XKR9: variants seen among roughly 807,000 people sequenced by gnomAD.
The protein encoded by XKR9 is XK-related protein 9.
In XKR9, 32 loss-of-function variants were observed where a neutral mutation model predicts 32.0. The ratio of observed to expected loss-of-function variants is 1.00; its 90% CI spans 0.76 to 1.34. XKR9 has a LOEUF of 1.34. Among genes scored for constraint, XKR9 ranks in the 40% most tolerant of loss-of-function variants. The pLI, the probability that XKR9 is intolerant of heterozygous loss-of-function variation, is 0.00. For missense variants in XKR9, 546 were observed against 429.7 expected (o/e 1.27, Z -2.39); for synonymous variants, 168 against 143.4 (o/e 1.17, Z -1.22).
chr8:70,879,544 A>G, the XKR9 span, among the ~76,000 whole-genome samples: 1 of 152,206 alleles, frequency 6.6e-6, no homozygotes, highest in Non-Finnish European at 1.5e-5. Flanking sequence ...ATGCAAATAA[A>G]CTAGAAAATC....
the XKR9 span, among the ~76,000 whole-genome samples, chr8:70,906,852 T>C: frequency 6.6e-6 from 1 of 152,152 alleles, no homozygotes; most frequent in Non-Finnish European, 1.5e-5. Context: ...GATTTATCTG[T>C]ATATAATATT....
At chr8:70,887,298 C>A in the XKR9 span, among the ~76,000 whole-genome samples, 1 of 152,096 alleles carries the variant, frequency 6.6e-6, no homozygotes, top group African/African-American at 2.4e-5. Context: ...GTTTTGGTAC[C>A]AGTACTGTGC....
At chr8:70,741,503 T>C (rs985433054) in intron 2 of XKR9, among the ~76,000 whole-genome samples, 4 of 152,260 alleles carry the variant, frequency 2.6e-5, no homozygotes, top group Admixed American at 2.6e-4. Context: ...TATTTGTCTT[T>C]TGTTACTGGC....
At chr8:70,724,867 A>T (rs1317044654) in intron 4 of XKR9, among the ~76,000 whole-genome samples, 1 of 151,894 alleles carries the variant, frequency 6.6e-6, no homozygotes, top group African/African-American at 2.4e-5. Context: ...TTATAGCAGC[A>T]CCCCACTTCT....
At chr8:70,723,484 G>A (rs114701102) in intron 4 of XKR9, among the ~76,000 whole-genome samples, 1 of 152,136 alleles carries the variant, frequency 6.6e-6, no homozygotes, top group East Asian at 1.9e-4. Flanking sequence ...TTTGGATGTG[G>A]TTTTTGGTTG....
At chr8:70,894,792 T>C in the XKR9 span, among the ~76,000 whole-genome samples, 1 of 152,068 alleles carries the variant, frequency 6.6e-6, no homozygotes, top group Non-Finnish European at 1.5e-5. Context: ...GTGAAACGAC[T>C]CCACTTCTGC....
chr8:70,766,091 C>CT (rs564137939), intron 2 of XKR9, among the ~76,000 whole-genome samples: 13 of 150,860 alleles, frequency 8.6e-5, no homozygotes, highest in Admixed American at 3.3e-4. Context: ...TATATGGGCT[C>CT]TTTTTTGGTT....
chr8:70,687,431 C>A (rs1819338398), intron 3 of XKR9, among the ~76,000 whole-genome samples: 1 of 150,868 alleles, frequency 6.6e-6, no homozygotes, highest in Admixed American at 6.6e-5. Flanking sequence ...TAGAGACAGG[C>A]TCATCATAGC....
the XKR9 span, among the ~76,000 whole-genome samples, chr8:70,891,288 G>T: frequency 6.6e-6 from 1 of 150,760 alleles, no homozygotes; most frequent in Non-Finnish European, 1.5e-5. Flanking sequence ...TCTCAATTTT[G>T]TTTACTTTTG....
intron 2 of XKR9, among the ~76,000 whole-genome samples, chr8:70,757,626 G>A (rs570588799): frequency 1.3e-4 from 20 of 151,864 alleles, no homozygotes; most frequent in Admixed American, 8.5e-4. Context: ...TTGCTCTGTC[G>A]CCCAGGCTGG....
At chr8:71,064,985 A>T in the XKR9 span, among the ~76,000 whole-genome samples, 1 of 152,146 alleles carries the variant, frequency 6.6e-6, no homozygotes, top group East Asian at 1.9e-4. Context: ...TAGCTATATG[A>T]CCTTGGGCCA....
chr8:70,813,474 C>G, the XKR9 span, among the ~76,000 whole-genome samples: 1 of 152,060 alleles, frequency 6.6e-6, no homozygotes, highest in African/African-American at 2.4e-5. Context: ...TTCTGCACAG[C>G]AAAAGAAACT....
At chr8:70,685,322 A>G (rs1192065680) in intron 3 of XKR9, among the ~76,000 whole-genome samples, 2 of 118,048 alleles carry the variant, frequency 1.7e-5, no homozygotes, top group Admixed American at 2.0e-4. Flanking sequence ...AGGAAGGGGA[A>G]CATCACACCC....
chr8:70,721,993 C>T (rs1806297613), intron 4 of XKR9, among the ~76,000 whole-genome samples: 1 of 152,130 alleles, frequency 6.6e-6, no homozygotes, highest in African/African-American at 2.4e-5. Flanking sequence ...GAATTGGGTG[C>T]ATATATATTT....
At chr8:70,765,663 G>A (rs1807365538) in intron 2 of XKR9, among the ~76,000 whole-genome samples, 1 of 152,136 alleles carries the variant, frequency 6.6e-6, no homozygotes, top group South Asian at 2.1e-4. Context: ...TGATGTTTTA[G>A]TCATGAAGTC....
At chr8:70,823,586 G>T in the XKR9 span, among the ~76,000 whole-genome samples, 1 of 152,104 alleles carries the variant, frequency 6.6e-6, no homozygotes, top group South Asian at 2.1e-4. Context: ...TTATCTTCAA[G>T]AATTGAAATT....
At chr8:70,755,706 T>G (rs1293004477) in intron 2 of XKR9, among the ~76,000 whole-genome samples, 1 of 127,098 alleles carries the variant, frequency 7.9e-6, no homozygotes, top group Non-Finnish European at 1.6e-5. Flanking sequence ...GGGAATTGAA[T>G]AATGAGAACC....
the XKR9 span, among the ~76,000 whole-genome samples, chr8:70,848,776 A>AG: frequency 5.9e-5 from 9 of 151,860 alleles, no homozygotes; most frequent in Admixed American, 5.9e-4. Flanking sequence ...AAAAAAAAAA[A>AG]AAAAAAGAGC....
At chr8:70,728,609 T>A (rs949375369) in intron 4 of XKR9, among the ~76,000 whole-genome samples, 4 of 152,188 alleles carry the variant, frequency 2.6e-5, no homozygotes, top group Non-Finnish European at 5.9e-5. Context: ...ATTTAGGATT[T>A]TGTCCAAACT....
Sources: gnomAD v4.1 joint callset for allele counts (sites outside exome capture counted in the v4.1 genomes callset) on GRCh38, gnomAD v4.1.1 for gene constraint, MANE v1.5 for transcripts, NCBI Gene and HGNC (gene_info 2026-07-23, HGNC 2026-07-21) for gene names.